The following PDE6C variants were observed in gnomAD, a reference collection of about 807,000 sequenced individuals.
The protein encoded by PDE6C is cone cGMP-specific 3',5'-cyclic phosphodiesterase subunit alpha'.
In PDE6C, 75 loss-of-function variants were observed where a neutral mutation model predicts 113.1. The observed-to-expected ratio is 0.66, with a 90% CI of 0.55 to 0.80. PDE6C has a LOEUF of 0.80. PDE6C is among the 30% of genes least tolerant of loss of function. The pLI, the probability that PDE6C is intolerant of heterozygous loss-of-function variation, is 0.00. For missense variants in PDE6C, 912 were observed against 1,038.6 expected, an observed-to-expected ratio of 0.88 and a Z score of 1.67; for synonymous variants, 375 against 363.7, an observed-to-expected ratio of 1.03 and a Z score of -0.35.
chr10:93,626,760 G>C, intron 6 of PDE6C, 45 bp from the exon 7 acceptor site: 1 of 1,606,170 alleles, frequency 6.2e-7, no homozygotes, highest in Non-Finnish European at 8.5e-7. Context: ...TGCACATATT[G>C]CATTTCTCTA....
At chr10:93,642,363 C>T (rs540073233) in intron 14 of PDE6C, among the ~76,000 whole-genome samples, 49 of 152,046 alleles carry the variant, frequency 3.2e-4, no homozygotes, top group Middle Eastern at 3.4e-3. Flanking sequence ...GACTCAGTCT[C>T]GGAAAATAAA....
At chr10:93,644,124 AACATTTTT>A (rs1313677647) in intron 14 of PDE6C, among the ~76,000 whole-genome samples, 1 of 152,198 alleles carries the variant, frequency 6.6e-6, no homozygotes, top group Non-Finnish European at 1.5e-5. Context: ...ATTCAGACTA[AACATTTTT>A]TTGGCAGGAA....
intron 4 of PDE6C, among the ~76,000 whole-genome samples, chr10:93,623,567 TCTC>T (rs2058458804): frequency 6.6e-6 from 1 of 152,210 alleles, no homozygotes; most frequent in Admixed American, 6.5e-5. Context: ...TTCTATGTCA[TCTC>T]CTAGAATTTT....
chr10:93,665,613 C>CA lies in PDE6C; in HGVS notation c.*200dup. Reference sequence around the variant, plus strand: ...AGTTCAACAAAAGTGCAAAATATGACAAAAATAGGTACATTTTTGGTGCCA... The same window carrying CA: ...AGTTCAACAAAAGTGCAAAATATGACAAAAAATAGGTACATTTTTGGTGCCA... On this transcript the variant is annotated 3_prime_UTR_variant, in exon 22 of 22. Coordinates refer to ENST00000371447, the MANE Select transcript of PDE6C (RefSeq NM_006204.4). 1 of 574,068 alleles carries CA rather than the reference C, an allele frequency of 1.7e-6. No homozygotes were observed. Among genetic ancestry groups the CA allele is most frequent in the Non-Finnish European group, 3.1e-6 (1 of 322,994 alleles). 35.6% of individuals were successfully genotyped at this position (574,068 alleles called of 1,614,324 possible). A position where few individuals can be genotyped will look rare whatever the true frequency, so the allele number is the denominator to read the frequency against.
At chr10:93,618,418 A>G (rs2058430389) in intron 1 of PDE6C, among the ~76,000 whole-genome samples, 1 of 152,192 alleles carries the variant, frequency 6.6e-6, no homozygotes, top group African/African-American at 2.4e-5. Flanking sequence ...TAACACGCCC[A>G]GGACCATACA....
In PDE6C at chr10:93,644,500, T is replaced by C. The variant is rs569830629; in HGVS notation, c.1848-1460T>C. Among the ~76,000 whole-genome samples, 3 of 152,206 alleles carry C rather than the reference T, an allele frequency of 2.0e-5. No individual in the cohort carries two copies. The South Asian group carries it at 6.2e-4, about 32-fold the overall frequency. On this transcript the variant is annotated intron_variant, in intron 14 of 21. Coordinates refer to ENST00000371447, the MANE Select transcript of PDE6C (RefSeq NM_006204.4). Reference sequence around the variant, plus strand: ...ATTCATATGATGTGCAATAGTCAAATCAGGATAATTGAGATATCCATCACC... The same window carrying C: ...ATTCATATGATGTGCAATAGTCAAACCAGGATAATTGAGATATCCATCACC...
chr10:93,632,144 C>T (rs1376975793), intron 8 of PDE6C, among the ~76,000 whole-genome samples: 2 of 152,236 alleles, frequency 1.3e-5, no homozygotes, highest in African/African-American at 4.8e-5. Flanking sequence ...ATAGCTCCTT[C>T]TCCCATTCTG....
intron 15 of PDE6C, 70 bp from the exon 16 acceptor site, chr10:93,655,687 CTTG>C: frequency 1.6e-6 from 1 of 616,998 alleles, no homozygotes; most frequent in East Asian, 3.6e-5. Flanking sequence ...AGATTTTCTT[CTTG>C]TTAAGCATAG....
In PDE6C at chr10:93,665,626, A is replaced by G; in HGVS notation, c.*208A>G. 1 of 563,304 alleles carries G rather than the reference A, an allele frequency of 1.8e-6. No individual in the cohort carries two copies. The highest frequency in any genetic ancestry group is 3.2e-6 in the Non-Finnish European group (1 of 316,950). The allele number at this position is 563,304 out of a possible 1,614,324, so 34.9% of individuals were successfully genotyped here. On this transcript the variant is annotated 3_prime_UTR_variant, in exon 22 of 22. Coordinates refer to ENST00000371447, the MANE Select transcript of PDE6C (RefSeq NM_006204.4). Reference sequence around the variant, plus strand: ...TGCAAAATATGACAAAAATAGGTACATTTTTGGTGCCAATTTATTTTAAAT... The same window carrying G: ...TGCAAAATATGACAAAAATAGGTACGTTTTTGGTGCCAATTTATTTTAAAT...
chr10:93,660,039 G>A (rs10786121), intron 18 of PDE6C, among the ~76,000 whole-genome samples: 117,588 of 152,072 alleles, frequency 0.77, 45,641 homozygotes, highest in East Asian at 0.93. Flanking sequence ...TTTTCCTCCA[G>A]TAATTTCTAG....
chr10:93,652,627 T>A (rs2058614367), intron 15 of PDE6C, among the ~76,000 whole-genome samples: 1 of 152,244 alleles, frequency 6.6e-6, no homozygotes, highest in Non-Finnish European at 1.5e-5. Context: ...TCAACTTTAA[T>A]ACAGTTGTTT....
intron 4 of PDE6C, among the ~76,000 whole-genome samples, chr10:93,622,639 G>GTTTTTTTTTGTTT (rs2058452335): frequency 3.5e-5 from 4 of 113,982 alleles, no homozygotes; most frequent in East Asian, 2.7e-4. Flanking sequence ...GTAGCCACAG[G>GTTTTTTTTTGTTT]TTTTTTTTTT....
intron 14 of PDE6C, among the ~76,000 whole-genome samples, chr10:93,643,630 A>G (rs958454576): frequency 1.3e-5 from 2 of 151,614 alleles, no homozygotes; most frequent in African/African-American, 2.4e-5. Flanking sequence ...GGCTCAAGCA[A>G]TCCTCCTGCC....
intron 4 of PDE6C, among the ~76,000 whole-genome samples, chr10:93,625,050 C>T (rs2058467117): frequency 6.6e-6 from 1 of 152,184 alleles, no homozygotes; most frequent in Non-Finnish European, 1.5e-5. Context: ...ATCTGGGCCA[C>T]ATACCTGCCC....
chr10:93,620,060 A>G (rs1241516240), intron 1 of PDE6C, among the ~76,000 whole-genome samples: 1 of 152,280 alleles, frequency 6.6e-6, no homozygotes, highest in South Asian at 2.1e-4. Context: ...TTTAGAAAAA[A>G]TAGAAAACTC....
chr10:93,634,009 C>A (rs1031860269), intron 8 of PDE6C, among the ~76,000 whole-genome samples: 3 of 152,002 alleles, frequency 2.0e-5, no homozygotes, highest in Non-Finnish European at 4.4e-5. Flanking sequence ...GCACATCTAA[C>A]ACCAAAAGAT....
Position 93,621,045 on chromosome 10 carries a change from C to G in PDE6C, c.723+65C>G, listed in dbSNP as rs1185795416. The G allele has an allele frequency of 7.0e-6, 9 of 1,294,364 alleles. No individual in the cohort carries two copies. In the East Asian group the frequency reaches 2.1e-4, roughly 30 times the overall value. The allele number at this position is 1,294,364 out of a possible 1,614,324, so 80.2% of individuals were successfully genotyped here. The stretch of plus-strand genomic sequence containing the variant: ...TTCTGACAAAGCCGCCCAGAGACAA[C>G]AAATTCAGACCCCTCCTATTCCTCC... On this transcript the variant is annotated intron_variant, in intron 3 of 21. Coordinates refer to ENST00000371447, the MANE Select transcript of PDE6C (RefSeq NM_006204.4).
Position 93,625,563 on chromosome 10 carries a change from G to T in PDE6C, c.865-12G>T. 6.3e-7 allele frequency: 1 copy of T among 1,595,932 alleles called. No homozygotes were observed. The highest frequency in any genetic ancestry group is 1.1e-5 in the South Asian group (1 of 90,678). On this transcript the variant is annotated splice_polypyrimidine_tract_variant and intron_variant, in intron 4 of 21. Coordinates refer to ENST00000371447, the MANE Select transcript of PDE6C (RefSeq NM_006204.4). ...AGTGTGTTTAATGATACTTAAATCT[G>T]ATTGCCTCCAGGAATTCTACGATGA...
At chr10:93,653,602 C>T (rs1467311796) in intron 15 of PDE6C, among the ~76,000 whole-genome samples, 4 of 151,904 alleles carry the variant, frequency 2.6e-5, no homozygotes, top group Non-Finnish European at 4.4e-5. Context: ...TGAGATTGTG[C>T]CACTGCACTC....
Sources: allele counts gnomAD v4.1 joint callset (sites outside exome capture counted in the v4.1 genomes callset), GRCh38; gene constraint gnomAD v4.1.1; transcripts MANE v1.5; gene names NCBI Gene and HGNC (gene_info 2026-07-23, HGNC 2026-07-21).